The following FBXO40 variants were observed in gnomAD, a reference collection of about 807,000 sequenced individuals.
FBXO40 encodes the protein F-box only protein 40.
FBXO40 carries 50 observed loss-of-function variants against 49.9 expected under a neutral mutation model. The observed-to-expected ratio is 1.00, with a 90% CI of 0.80 to 1.27. FBXO40 has a LOEUF of 1.27. Ranked by LOEUF, FBXO40 falls within the 50% of genes most tolerant of loss-of-function variation. FBXO40 has a pLI of 0.00. For synonymous variants in FBXO40, 340 were observed against 320.2 expected, an observed-to-expected ratio of 1.06 and a Z score of -0.66; for missense variants, 895 against 870.1, an observed-to-expected ratio of 1.03 and a Z score of -0.36.
intron 2 of FBXO40, among the ~76,000 whole-genome samples, chr3:121,620,990 C>T (rs2049026686): frequency 1.3e-5 from 2 of 152,084 alleles, no homozygotes; most frequent in African/African-American, 4.8e-5. Flanking sequence ...GATAGCACAC[C>T]CATATTCCGG....
In FBXO40 at chr3:121,621,652, T is replaced by C. The variant is rs768956250; in HGVS notation, c.223T>C (p.Ser75Pro). The C allele has an allele frequency of 3.7e-6, 6 of 1,614,030 alleles. No individual in the cohort carries two copies. In the East Asian group the frequency reaches 1.1e-4, roughly 30 times the overall value. The change falls in exon 3 of 4, where the codon TCC becomes CCC. Residue 75 changes from serine (S) to proline (P), a missense_variant. Coordinates refer to ENST00000338040, the MANE Select transcript of FBXO40 (RefSeq NM_016298.4). The part of the protein sequence containing the change: ...CLNSEYGCPL[S>P]MSRHKLAKHL... ...CAACTCCGAATATGGCTGCCCTCTGTCCATGTCCCGCCACAAACTGGCCAA... is the reference window on the plus strand; with the variant it reads ...CAACTCCGAATATGGCTGCCCTCTGCCCATGTCCCGCCACAAACTGGCCAA...
intron 1 of FBXO40, among the ~76,000 whole-genome samples, chr3:121,619,158 C>T (rs1205336825): frequency 2.0e-5 from 3 of 149,380 alleles, no homozygotes; most frequent in Non-Finnish European, 4.5e-5. Context: ...CACCACCATG[C>T]CCCGCTAATT....
At chr3:121,619,889 C>A (rs912475061) in intron 1 of FBXO40, among the ~76,000 whole-genome samples, 1 of 152,210 alleles carries the variant, frequency 6.6e-6, no homozygotes, top group Admixed American at 6.5e-5. Context: ...GGTCTGGCAA[C>A]ACATTCCCAC....
At position 121,622,986 on chromosome 3, in the gene FBXO40, A is replaced by T. The variant is rs2108851663; in HGVS notation, c.1557A>T (p.Thr519=). The change falls in exon 3 of 4, where the codon ACA becomes ACT. Residue 519 remains threonine (T), a synonymous_variant. Transcript: ENST00000338040. ...GCCCCCTCGCCTACTTGGGATGTAC[A>T]TTTGTTCAAAACCATTTCCGTCCCC... ...HRCPLAYLGC[T]FVQNHFRPPG... The T allele has an allele frequency of 1.2e-6, 2 of 1,614,232 alleles. No homozygotes were observed. Among genetic ancestry groups the T allele is most frequent in the African/African-American group, 2.7e-5 (2 of 75,068 alleles).
chr3:121,611,278 T>A (rs1292185153), intron 1 of FBXO40, among the ~76,000 whole-genome samples: 2 of 152,132 alleles, frequency 1.3e-5, no homozygotes, highest in Non-Finnish European at 2.9e-5. Context: ...GTTCCCTCAG[T>A]TTTTTCTGAT....
chr3:121,597,372 G>C (rs1346363737), intron 1 of FBXO40, among the ~76,000 whole-genome samples: 1 of 151,974 alleles, frequency 6.6e-6, no homozygotes, highest in Non-Finnish European at 1.5e-5. Flanking sequence ...CCGAAAGTGG[G>C]GGGAAGTGTG....
At chr3:121,618,599 T>C (rs1305046308) in intron 1 of FBXO40, among the ~76,000 whole-genome samples, 1 of 151,726 alleles carries the variant, frequency 6.6e-6, no homozygotes, top group African/African-American at 2.4e-5. Flanking sequence ...TTTCACCATG[T>C]TGACTAGGCT....
intron 1 of FBXO40, among the ~76,000 whole-genome samples, chr3:121,610,395 G>A (rs576836917): frequency 2.2e-4 from 34 of 152,148 alleles, no homozygotes; most frequent in Non-Finnish European, 4.1e-4. Context: ...CAGATATCAG[G>A]AGCAGACTGG....
At chr3:121,605,548 G>A (rs1169345165) in intron 1 of FBXO40, among the ~76,000 whole-genome samples, 2 of 152,182 alleles carry the variant, frequency 1.3e-5, no homozygotes, top group Admixed American at 6.6e-5. Flanking sequence ...CCTGACTTAG[G>A]TGTCCTGCAG....
intron 3 of FBXO40, among the ~76,000 whole-genome samples, chr3:121,625,357 G>T (rs919993355): frequency 2.6e-5 from 4 of 152,256 alleles, no homozygotes; most frequent in Admixed American, 2.0e-4. Flanking sequence ...TGTGGTATTT[G>T]CAAATTGGCA....
At chr3:121,624,119 T>G (rs2049049685) in intron 3 of FBXO40, among the ~76,000 whole-genome samples, 1 of 150,430 alleles carries the variant, frequency 6.6e-6, no homozygotes, top group African/African-American at 2.5e-5. Context: ...GCCTCCCGAG[T>G]AGCTGGGATT....
intron 1 of FBXO40, 85 bp from the exon 2 acceptor site, chr3:121,620,461 G>C: frequency 5.1e-6 from 6 of 1,185,540 alleles, no homozygotes; most frequent in Admixed American, 1.8e-5. Flanking sequence ...AAATGAGATA[G>C]TGTGTGAAGT....
At position 121,594,573 on chromosome 3, in the gene FBXO40, G is replaced by C. The variant is rs562579407; in HGVS notation, c.-31+1071G>C. Among the ~76,000 whole-genome samples the C allele has an allele frequency of 3.3e-5, 5 of 152,310 alleles. No individual in the cohort carries two copies. In the South Asian group the frequency reaches 1.0e-3, roughly 32 times the overall value. ...CAACATTTGCTATGTTTGCTTGCAA[G>C]TCATTCTCATGTAGCTTAAAATTTC... On this transcript the variant is annotated intron_variant, in intron 1 of 3. Transcript: ENST00000338040.
intron 1 of FBXO40, among the ~76,000 whole-genome samples, chr3:121,618,386 G>GTTTTTTTT (rs34900150): frequency 8.3e-6 from 1 of 120,268 alleles, no homozygotes; most frequent in Non-Finnish European, 1.7e-5. Flanking sequence ...TTTCCTTCTT[G>GTTTTTTTT]TTTTTTTTTT....
intron 1 of FBXO40, among the ~76,000 whole-genome samples, chr3:121,618,386 G>GTTTTTTT (rs34900150): frequency 1.7e-5 from 2 of 120,266 alleles, no homozygotes; most frequent in African/African-American, 6.3e-5. Flanking sequence ...TTTCCTTCTT[G>GTTTTTTT]TTTTTTTTTT....
chr3:121,621,359 C>A, intron 2 of FBXO40, 74 bp from the exon 3 acceptor site: 1 of 1,321,972 alleles, frequency 7.6e-7, no homozygotes, highest in Non-Finnish European at 1.0e-6. Context: ...TCAATTAAAA[C>A]ACAGTCATAG....
At chr3:121,611,464 T>C (rs2048965086) in intron 1 of FBXO40, among the ~76,000 whole-genome samples, 1 of 152,198 alleles carries the variant, frequency 6.6e-6, no homozygotes, top group African/African-American at 2.4e-5. Flanking sequence ...CACCCAAACA[T>C]CTCAGCGGAG....
chr3:121,615,166 C>CT (rs2048990283), intron 1 of FBXO40, among the ~76,000 whole-genome samples: 1 of 133,220 alleles, frequency 7.5e-6, no homozygotes, highest in South Asian at 2.3e-4. Context: ...GATCGTGCCA[C>CT]TGCACTCCAG....
intron 1 of FBXO40, among the ~76,000 whole-genome samples, chr3:121,607,563 C>T (rs976246003): frequency 3.9e-5 from 6 of 152,036 alleles, no homozygotes; most frequent in Non-Finnish European, 7.3e-5. Flanking sequence ...CCCACCTCGG[C>T]CTCCCAAAGT....
Sources: gnomAD v4.1 joint callset for allele counts (sites outside exome capture counted in the v4.1 genomes callset) on GRCh38, gnomAD v4.1.1 for gene constraint, MANE v1.5 for transcripts, NCBI Gene and HGNC (gene_info 2026-07-23, HGNC 2026-07-21) for gene names.